BIRC6: variants seen among roughly 807,000 people sequenced by gnomAD.
BIRC6 encodes the protein dual E2 ubiquitin-conjugating enzyme/E3 ubiquitin-protein ligase BIRC6.
In BIRC6, 98 loss-of-function variants were observed where a neutral mutation model predicts 503.3. The ratio of observed to expected loss-of-function variants is 0.19; its 90% CI spans 0.17 to 0.23. The LOEUF is 0.23. BIRC6 is among the 10% of genes least tolerant of loss of function. The pLI, the probability that BIRC6 is intolerant of heterozygous loss-of-function variation, is 1.00. For missense variants in BIRC6, 5,360 were observed against 5,806.0 expected (o/e 0.92, Z 2.50); for synonymous variants, 2,240 against 2,078.7 (o/e 1.08, Z -2.11).
intron 61 of BIRC6, among the ~76,000 whole-genome samples, chr2:32,536,197 T>C (rs1167279470): frequency 1.3e-5 from 2 of 152,216 alleles, no homozygotes; most frequent in African/African-American, 4.8e-5. Context: ...TTGTAGAGTC[T>C]GGATATTAGC....
chr2:32,471,606 A>T (rs903121402), intron 32 of BIRC6, among the ~76,000 whole-genome samples: 1 of 152,188 alleles, frequency 6.6e-6, no homozygotes, highest in Non-Finnish European at 1.5e-5. Flanking sequence ...AGAAAAATTT[A>T]AAAATTAAAG....
intron 31 of BIRC6, 22 bp from the exon 32 acceptor site, chr2:32,470,992 C>G: frequency 6.4e-7 from 1 of 1,552,124 alleles, no homozygotes; most frequent in Non-Finnish European, 8.7e-7. Context: ...GATGTTTTTC[C>G]TTTGCTGTCA....
intron 1 of BIRC6, among the ~76,000 whole-genome samples, chr2:32,371,215 CAA>C (rs1179033406): frequency 1.4e-3 from 41 of 28,700 alleles, no homozygotes; most frequent in African/African-American, 4.1e-3. Flanking sequence ...GACCCTGTCT[CAA>C]AAAAAAAAAA....
chr2:32,618,612 G>C lies in BIRC6; in HGVS notation c.*708G>C, dbSNP rs937770302. 1 of 152,514 alleles carries C rather than the reference G, an allele frequency of 6.6e-6. No individual in the cohort carries two copies. The highest frequency in any genetic ancestry group is 1.5e-5 in the Non-Finnish European group (1 of 68,026). 9.4% of individuals were successfully genotyped at this position (152,514 alleles called of 1,614,324 possible). A position where few individuals can be genotyped will look rare whatever the true frequency, so the allele number is the denominator to read the frequency against. On this transcript the variant is annotated 3_prime_UTR_variant, in exon 74 of 74. Coordinates refer to ENST00000421745, the MANE Select transcript of BIRC6 (RefSeq NM_016252.4). ...TATGCCAACATTTGGGCCTCTGAAT[G>C]TATCTGTTATTTGAATTTAAGTATT...
At chr2:32,383,824 G>T (rs1324293687) in intron 3 of BIRC6, among the ~76,000 whole-genome samples, 2 of 152,286 alleles carry the variant, frequency 1.3e-5, no homozygotes, top group Middle Eastern at 3.4e-3. Flanking sequence ...GAGCCACCAA[G>T]CCCAGCTGGT....
chr2:32,484,336 G>T (rs2149242731), intron 39 of BIRC6, among the ~76,000 whole-genome samples: 1 of 152,188 alleles, frequency 6.6e-6, no homozygotes, highest in East Asian at 1.9e-4. Flanking sequence ...TGGATCACCT[G>T]AGGTCAAGAG....
chr2:32,604,823 G>T (rs2062321825), intron 71 of BIRC6, among the ~76,000 whole-genome samples: 3 of 151,108 alleles, frequency 2.0e-5, no homozygotes, highest in Non-Finnish European at 1.5e-5. Context: ...AGATTATTTT[G>T]TCACTCTGGT....
Position 32,471,136 on chromosome 2 carries a change from G to C in BIRC6, c.6592+12G>C. Reference sequence around the variant, plus strand: ...GAAACCTTTGAATGGTAAAGACAGGGAGAGGTTTCTGACAGGTATCAGAAG... The same window carrying C: ...GAAACCTTTGAATGGTAAAGACAGGCAGAGGTTTCTGACAGGTATCAGAAG... On this transcript the variant is annotated intron_variant, in intron 32 of 73. Transcript: ENST00000421745. The C allele has an allele frequency of 6.4e-7, 1 of 1,557,190 alleles. No individual in the cohort carries two copies.
chr2:32,486,727 C>A (rs1455287335), intron 40 of BIRC6, among the ~76,000 whole-genome samples: 1 of 152,038 alleles, frequency 6.6e-6, no homozygotes, highest in Non-Finnish European at 1.5e-5. Flanking sequence ...AAATTGAATT[C>A]TTTCAGTCTG....
rs141957598 is a variant in BIRC6, at chr2:32,427,528, C to T, written c.2873-1618C>T. Among the ~76,000 whole-genome samples, 832 of 152,234 alleles carry T rather than the reference C, an allele frequency of 5.5e-3. 11 individuals carry two copies. Among genetic ancestry groups the T allele is most frequent in the African/African-American group, 0.019 (780 of 41,546 alleles). ...ATCGAACTCCTGACCTCAGGTGATCCGCCCGCCTCCGTCTCCCAAGGTGCT... is the reference window on the plus strand; with the variant it reads ...ATCGAACTCCTGACCTCAGGTGATCTGCCCGCCTCCGTCTCCCAAGGTGCT... On this transcript the variant is annotated intron_variant, in intron 10 of 73. Coordinates refer to ENST00000421745, the MANE Select transcript of BIRC6 (RefSeq NM_016252.4).
chr2:32,387,786 T>A (rs373030281), intron 3 of BIRC6, among the ~76,000 whole-genome samples: 18 of 152,320 alleles, frequency 1.2e-4, no homozygotes, highest in African/African-American at 4.1e-4. Context: ...TTGTACTGGA[T>A]GAATAGGAAA....
chr2:32,512,433 T>C (rs749984697), intron 53 of BIRC6, among the ~76,000 whole-genome samples: 2 of 152,222 alleles, frequency 1.3e-5, no homozygotes, highest in African/African-American at 2.4e-5. Flanking sequence ...AATCTTGTTA[T>C]TAATGTTAGT....
intron 2 of BIRC6, 56 bp downstream of exon 2, chr2:32,377,825 T>C: frequency 2.1e-6 from 3 of 1,406,866 alleles, no homozygotes; most frequent in Non-Finnish European, 2.9e-6. Context: ...TTAGACATAT[T>C]AGATGTTAAA....
intron 1 of BIRC6, among the ~76,000 whole-genome samples, chr2:32,358,937 C>G (rs1020577506): frequency 6.6e-6 from 1 of 152,132 alleles, no homozygotes; most frequent in Admixed American, 6.5e-5. Flanking sequence ...GGGAGATGCT[C>G]ATTGGTAATT....
At chr2:32,496,119 C>T (rs1481518574) in intron 45 of BIRC6, among the ~76,000 whole-genome samples, 1 of 152,126 alleles carries the variant, frequency 6.6e-6, no homozygotes, top group African/African-American at 2.4e-5. Flanking sequence ...GCATGAGCCA[C>T]CGCACCCCGC....
intron 61 of BIRC6, among the ~76,000 whole-genome samples, chr2:32,532,795 C>G (rs983578214): frequency 2.6e-5 from 4 of 152,082 alleles, no homozygotes; most frequent in Non-Finnish European, 4.4e-5. Flanking sequence ...GCAGAAAAGA[C>G]CCCAACATTT....
chr2:32,551,054 T>TA (rs2058386393), intron 65 of BIRC6, among the ~76,000 whole-genome samples: 1 of 152,096 alleles, frequency 6.6e-6, no homozygotes, highest in African/African-American at 2.4e-5. Context: ...TGGTAACAAA[T>TA]ACTTATTTTG....
At chr2:32,374,511 C>T (rs1401506357) in intron 1 of BIRC6, among the ~76,000 whole-genome samples, 4 of 148,874 alleles carry the variant, frequency 2.7e-5, no homozygotes, top group East Asian at 2.0e-4. Flanking sequence ...CTCACTCTGT[C>T]GCCCAGGCTG....
At chr2:32,464,038 C>T (rs533809276) in intron 24 of BIRC6, among the ~76,000 whole-genome samples, 8 of 152,240 alleles carry the variant, frequency 5.3e-5, no homozygotes, top group East Asian at 1.9e-4. Context: ...AGTTTCATCC[C>T]GAAACCAGTC....
Sources: allele counts gnomAD v4.1 joint callset (sites outside exome capture counted in the v4.1 genomes callset), GRCh38; gene constraint gnomAD v4.1.1; transcripts MANE v1.5; gene names NCBI Gene and HGNC (gene_info 2026-07-23, HGNC 2026-07-21).